The following SYTL2 variants were observed in gnomAD, a reference collection of about 807,000 sequenced individuals.
SYTL2 encodes the protein synaptotagmin-like protein 2.
In SYTL2, 165 loss-of-function variants were observed where a neutral mutation model predicts 198.7. The observed-to-expected ratio is 0.83, with a 90% CI of 0.73 to 0.94. The LOEUF is 0.94. SYTL2 is among the 40% of genes least tolerant of loss of function. The probability of loss-of-function intolerance (pLI) is 0.00; values close to 1 mark genes in which losing one functional copy is unlikely to be tolerated. For missense variants in SYTL2, 2,835 were observed against 2,582.8 expected, an observed-to-expected ratio of 1.10 and a Z score of -2.12; for synonymous variants, 966 against 917.7, an observed-to-expected ratio of 1.05 and a Z score of -0.95.
intron 1 of SYTL2, among the ~76,000 whole-genome samples, chr11:85,789,350 A>ATATATATATATATATATATATATG (rs2092690755): frequency 7.8e-5 from 3 of 38,240 alleles, no homozygotes; most frequent in South Asian, 8.5e-4. Flanking sequence ...GTATATATAT[A>ATATATATATATATATATATATATG]TATATATATA....
chr11:85,839,702 G>T, the SYTL2 span, among the ~76,000 whole-genome samples: 2 of 152,150 alleles, frequency 1.3e-5, no homozygotes, highest in Non-Finnish European at 2.9e-5. Context: ...CACTTAGGTT[G>T]CTTCCAAATC....
chr11:85,809,325 G>T (rs975829959), intron 1 of SYTL2, among the ~76,000 whole-genome samples: 10 of 152,184 alleles, frequency 6.6e-5, no homozygotes, highest in Admixed American at 6.5e-4. Flanking sequence ...TAGCAGCTGG[G>T]CAGGATTAGG....
intron 7 of SYTL2, among the ~76,000 whole-genome samples, chr11:85,728,920 T>C (rs1172275917): frequency 6.6e-6 from 1 of 152,222 alleles, no homozygotes; most frequent in East Asian, 1.9e-4. Flanking sequence ...CTAACAGCTA[T>C]TCTAGTGATT....
At chr11:85,718,299 G>T in intron 10 of SYTL2, 1 of 170,026 alleles carries the variant, frequency 5.9e-6, no homozygotes, top group East Asian at 1.6e-4. Flanking sequence ...TTCACCCTCT[G>T]TCTATATTTA....
chr11:85,798,532 C>A (rs2153641586), intron 1 of SYTL2, among the ~76,000 whole-genome samples: 1 of 152,318 alleles, frequency 6.6e-6, no homozygotes, highest in Non-Finnish European at 1.5e-5. Flanking sequence ...TCTCCAAGTC[C>A]AGTCCCAGGT....
At chr11:85,742,339 C>T (rs1211183805) in intron 4 of SYTL2, among the ~76,000 whole-genome samples, 1 of 152,164 alleles carries the variant, frequency 6.6e-6, no homozygotes, top group African/African-American at 2.4e-5. Flanking sequence ...CCAGAACAGA[C>T]CTAATTTGAT....
the SYTL2 span, chr11:85,853,057 C>T: frequency 1.3e-5 from 4 of 302,050 alleles, no homozygotes; most frequent in African/African-American, 2.4e-5. Context: ...AGCGCCTCCG[C>T]CCGGCCGCCT....
At chr11:85,712,886 T>C (rs1211748064) in intron 12 of SYTL2, among the ~76,000 whole-genome samples, 1 of 151,942 alleles carries the variant, frequency 6.6e-6, no homozygotes, top group African/African-American at 2.4e-5. Flanking sequence ...CCGGCTAATT[T>C]TTTGAATTTT....
upstream of SYTL2, among the ~76,000 whole-genome samples, chr11:85,813,608 C>G (rs1198390054): frequency 6.6e-6 from 1 of 152,204 alleles, no homozygotes; most frequent in Non-Finnish European, 1.5e-5. Context: ...GGTGTATCTC[C>G]TGGCTCTACC....
chr11:85,793,902 A>T (rs1317615073), intron 1 of SYTL2, among the ~76,000 whole-genome samples: 3 of 152,270 alleles, frequency 2.0e-5, no homozygotes, highest in Non-Finnish European at 4.4e-5. Context: ...ATTAAATATA[A>T]CTATGTGGTA....
the SYTL2 span, among the ~76,000 whole-genome samples, chr11:85,835,500 T>A: frequency 1.3e-5 from 2 of 152,238 alleles, no homozygotes; most frequent in Non-Finnish European, 2.9e-5. Flanking sequence ...TTCCAAGTGT[T>A]AATACTTGCC....
chr11:85,824,717 G>C, the SYTL2 span, among the ~76,000 whole-genome samples: 12 of 152,340 alleles, frequency 7.9e-5, no homozygotes, highest in African/African-American at 2.9e-4. Context: ...TAGAAAGTAA[G>C]CTCCTTGCTT....
intron 13 of SYTL2, among the ~76,000 whole-genome samples, chr11:85,709,788 T>G (rs551900133): frequency 1.3e-5 from 2 of 152,282 alleles, no homozygotes; most frequent in South Asian, 4.1e-4. Context: ...GTTCAGGCGA[T>G]TCTCCTGACT....
chr11:85,780,011 T>C (rs1592005864), intron 1 of SYTL2, among the ~76,000 whole-genome samples: 1 of 152,202 alleles, frequency 6.6e-6, no homozygotes, highest in Non-Finnish European at 1.5e-5. Context: ...GTGAGGGAAC[T>C]AAAAAGGATG....
intron 7 of SYTL2, among the ~76,000 whole-genome samples, chr11:85,733,076 G>A (rs1246548556): frequency 2.0e-5 from 3 of 152,064 alleles, no homozygotes; most frequent in Non-Finnish European, 2.9e-5. Context: ...GTGCCTTCAG[G>A]GCTTTTAAAG....
the SYTL2 span, among the ~76,000 whole-genome samples, chr11:85,847,765 T>A: frequency 6.6e-6 from 1 of 152,246 alleles, no homozygotes; most frequent in East Asian, 1.9e-4. Flanking sequence ...CATGAATATA[T>A]CTATTTTTTG....
chr11:85,848,728 G>A, the SYTL2 span, among the ~76,000 whole-genome samples: 1 of 152,208 alleles, frequency 6.6e-6, no homozygotes, highest in African/African-American at 2.4e-5. Context: ...ATACTCTTGT[G>A]ATGTCACATG....
the SYTL2 span, among the ~76,000 whole-genome samples, chr11:85,846,993 C>T: frequency 4.2e-4 from 64 of 152,268 alleles, no homozygotes; most frequent in African/African-American, 1.5e-3. Context: ...CTCGGCCTCC[C>T]GAAGCGCTGA....
At chr11:85,719,764 C>T (rs545932802) in intron 9 of SYTL2, among the ~76,000 whole-genome samples, 2 of 152,308 alleles carry the variant, frequency 1.3e-5, no homozygotes, top group South Asian at 4.1e-4. Context: ...ATTGGGAATA[C>T]TGTCTTCAAA....
Sources: gnomAD v4.1 joint callset for allele counts (sites outside exome capture counted in the v4.1 genomes callset) on GRCh38, gnomAD v4.1.1 for gene constraint, MANE v1.5 for transcripts, NCBI Gene and HGNC (gene_info 2026-07-23, HGNC 2026-07-21) for gene names.